The following MIDEAS variants were observed in gnomAD, a reference collection of about 807,000 sequenced individuals.
MIDEAS encodes mitotic deacetylase associated SANT domain protein, also known as mitotic deacetylase-associated SANT domain protein.
In MIDEAS, 26 loss-of-function variants were observed where a neutral mutation model predicts 102.7. The observed-to-expected ratio is 0.25, with a 90% CI of 0.19 to 0.35. MIDEAS has a LOEUF of 0.35. MIDEAS is among the 10% of genes least tolerant of loss of function. MIDEAS has a pLI of 1.00. For synonymous variants in MIDEAS, 585 were observed against 591.0 expected (o/e 0.99, Z 0.15); for missense variants, 1,231 against 1,435.6 (o/e 0.86, Z 2.30).
At chr14:73,743,168 C>G (rs1017099645) in intron 1 of MIDEAS, among the ~76,000 whole-genome samples, 1 of 152,088 alleles carries the variant, frequency 6.6e-6, no homozygotes, top group Non-Finnish European at 1.5e-5. Context: ...CTTCATACAC[C>G]TCCCTTCCAC....
At chr14:73,720,781 T>C (rs200381897) in intron 11 of MIDEAS, among the ~76,000 whole-genome samples, 2 of 152,224 alleles carry the variant, frequency 1.3e-5, no homozygotes, top group East Asian at 3.9e-4. Flanking sequence ...AGAGTAGAGG[T>C]TAACTCTGCA....
chr14:73,756,344 A>C (rs572249166), intron 1 of MIDEAS, among the ~76,000 whole-genome samples: 222 of 151,950 alleles, frequency 1.5e-3, no homozygotes, highest in African/African-American at 5.1e-3. Context: ...CTGGATTCCA[A>C]ATTGCAGTTT....
intron 9 of MIDEAS, 93 bp from the exon 10 acceptor site, chr14:73,722,940 T>A: frequency 2.0e-6 from 3 of 1,469,546 alleles, no homozygotes; most frequent in Non-Finnish European, 2.8e-6. Flanking sequence ...ATCTTTCCCT[T>A]AACTTCAAGC....
upstream of MIDEAS, among the ~76,000 whole-genome samples, chr14:73,763,480 T>C (rs966543676): frequency 5.9e-5 from 9 of 152,224 alleles, no homozygotes; most frequent in Non-Finnish European, 8.8e-5. Flanking sequence ...TCTGCAGCCA[T>C]CATCACTATT....
chr14:73,718,826 C>G lies in MIDEAS; in HGVS notation c.*17G>C. On this transcript the variant is annotated 3_prime_UTR_variant, in exon 13 of 13. Coordinates refer to ENST00000423556, the MANE Select transcript of MIDEAS (RefSeq NM_001367710.1). ...GAAGGGCCGAGGCCCAGGACTGGGCCAGCCTGGCTCCCGCGCTCAGCCCTT... is the reference window on the plus strand; with the variant it reads ...GAAGGGCCGAGGCCCAGGACTGGGCGAGCCTGGCTCCCGCGCTCAGCCCTT... 7.0e-7 allele frequency: 1 copy of G among 1,421,062 alleles called. No individual in the cohort carries two copies. Among genetic ancestry groups the G allele is most frequent in the Non-Finnish European group, 9.1e-7 (1 of 1,096,930 alleles). The allele number at this position is 1,421,062 out of a possible 1,614,324, so 88.0% of individuals were successfully genotyped here. A position where few individuals can be genotyped will look rare whatever the true frequency, so the allele number is the denominator to read the frequency against.
upstream of MIDEAS, among the ~76,000 whole-genome samples, chr14:73,764,867 G>A (rs1228818313): frequency 6.6e-6 from 1 of 152,220 alleles, no homozygotes; most frequent in Admixed American, 6.5e-5. Flanking sequence ...TGCAGGCCTG[G>A]GCCAGGTTCT....
intron 1 of MIDEAS, among the ~76,000 whole-genome samples, chr14:73,780,735 T>C (rs1346635908): frequency 1.3e-5 from 2 of 152,176 alleles, no homozygotes; most frequent in South Asian, 2.1e-4. Context: ...TCTGTCTTCT[T>C]GGTGTTGTTT....
At position 73,716,323 on chromosome 14, in the gene MIDEAS, AG is replaced by A. The variant is rs1438221412; in HGVS notation, c.*2519del. On this transcript the variant is annotated 3_prime_UTR_variant, in exon 13 of 13. Transcript: ENST00000423556. ...GAGAGGTACCATCTTGATTTTCCCC[AG>A]TTACATTCACCTGGTCTGGTCTCTG... 6.6e-6 allele frequency: 1 copy of A among 152,130 alleles called. No individual in the cohort carries two copies. The highest frequency in any genetic ancestry group is 6.6e-5 in the Admixed American group (1 of 15,264). The allele number at this position is 152,130 out of a possible 1,614,324, so 9.4% of individuals were successfully genotyped here.
upstream of MIDEAS, among the ~76,000 whole-genome samples, chr14:73,761,333 G>A (rs538337706): frequency 8.5e-5 from 13 of 152,244 alleles, no homozygotes; most frequent in African/African-American, 2.4e-4. Flanking sequence ...GGGGTGTGGA[G>A]GACACAGGCA....
rs552503088 is a variant in MIDEAS at position 73,738,837 on chromosome 14, C to T, written c.1172G>A (p.Gly391Glu). The change falls in exon 2 of 13, where the codon GGG becomes GAG. Residue 391 changes from glycine to glutamate, a missense_variant. Gly to Glu is a moderately conservative substitution (Grantham distance 98). Coordinates refer to ENST00000423556, the MANE Select transcript of MIDEAS (RefSeq NM_001367710.1). ...TCCCAGAGCTTCAGGATGGGGCTGC[C>T]CCAGGGAGCCAGGTGGCGGCTGCTG... ...PLQQPPPGSL[G>E]QPHPEALGFP... 3.2e-6 allele frequency: 5 copies of T among 1,573,004 alleles called. No individual in the cohort carries two copies. In the African/African-American group the frequency reaches 6.8e-5, roughly 21 times the overall value.
At chr14:73,758,818 T>C (rs1258876148) in intron 1 of MIDEAS, 1 of 154,492 alleles carries the variant, frequency 6.5e-6, no homozygotes, top group African/African-American at 2.4e-5. Context: ...CGGCCCGCCT[T>C]GGGGCTGAAG....
chr14:73,779,369 T>C (rs540494327), intron 1 of MIDEAS, among the ~76,000 whole-genome samples: 28 of 132,796 alleles, frequency 2.1e-4, no homozygotes, highest in Non-Finnish European at 4.0e-4. Flanking sequence ...CACTCCAGCC[T>C]GGACGACAGA....
chr14:73,762,373 CAG>C (rs1449980975), upstream of MIDEAS, among the ~76,000 whole-genome samples: 2 of 152,216 alleles, frequency 1.3e-5, no homozygotes, highest in African/African-American at 2.4e-5. Flanking sequence ...GCAGGGGAAA[CAG>C]AGAAGTCAGT....
At chr14:73,788,102 A>G (rs2053835604), upstream of MIDEAS, among the ~76,000 whole-genome samples, 2 of 152,206 alleles carry the variant, frequency 1.3e-5, no homozygotes, top group Admixed American at 1.3e-4. Flanking sequence ...TCTTCAAGGA[A>G]GAACTCCTGA....
intron 3 of MIDEAS, among the ~76,000 whole-genome samples, chr14:73,736,154 AAAAAT>A (rs1251032801): frequency 6.6e-6 from 1 of 152,164 alleles, no homozygotes; most frequent in Admixed American, 6.5e-5. Context: ...TCTATCTCAA[AAAAAT>A]AAAATAAAAT....
intron 1 of MIDEAS, among the ~76,000 whole-genome samples, chr14:73,769,521 C>A (rs773217460): frequency 6.6e-6 from 1 of 152,158 alleles, no homozygotes; most frequent in Non-Finnish European, 1.5e-5. Flanking sequence ...GTTGCATATA[C>A]GTTGCTGTGC....
At position 73,716,816 on chromosome 14, in the gene MIDEAS, T is replaced by C. The variant is rs2052899353; in HGVS notation, c.*2027A>G. The stretch of plus-strand genomic sequence containing the variant: ...AAAGGGGCCTGAAACCAAATATGAT[T>C]TGAATAGAAAAGACCTTGGGAAACA... On this transcript the variant is annotated 3_prime_UTR_variant, in exon 13 of 13. Coordinates refer to ENST00000423556, the MANE Select transcript of MIDEAS (RefSeq NM_001367710.1). The C allele has an allele frequency of 6.6e-6, 1 of 152,580 alleles. No individual in the cohort carries two copies. The highest frequency in any genetic ancestry group is 6.5e-5 in the Admixed American group (1 of 15,268). 9.5% of individuals were successfully genotyped at this position (152,580 alleles called of 1,614,324 possible).
chr14:73,789,416 G>A (rs12587785), upstream of MIDEAS, among the ~76,000 whole-genome samples: 39,011 of 152,008 alleles, frequency 0.26, 5,837 homozygotes, highest in Non-Finnish European at 0.34. Flanking sequence ...TGTTAATCAA[G>A]ACTTCAGATA....
At chr14:73,731,116 C>G (rs922997001) in intron 3 of MIDEAS, among the ~76,000 whole-genome samples, 1 of 152,246 alleles carries the variant, frequency 6.6e-6, no homozygotes, top group Non-Finnish European at 1.5e-5. Flanking sequence ...GCCTCATGGG[C>G]CTCTATCTAG....
Sources: gnomAD v4.1 joint callset for allele counts (sites outside exome capture counted in the v4.1 genomes callset) on GRCh38, gnomAD v4.1.1 for gene constraint, MANE v1.5 for transcripts, NCBI Gene and HGNC (gene_info 2026-07-23, HGNC 2026-07-21) for gene names.